FGFR2: variants seen among roughly 807,000 people sequenced by gnomAD.
The protein encoded by FGFR2 is fibroblast growth factor receptor 2.
Under a neutral mutation model 95.9 loss-of-function variants are expected in FGFR2, and 19 were observed. The ratio of observed to expected loss-of-function variants is 0.20; its 90% confidence interval spans 0.14 to 0.29. The LOEUF (loss-of-function observed/expected upper bound fraction) is 0.29. Among genes scored for constraint, FGFR2 ranks in the 10% least tolerant of loss-of-function variants. FGFR2 has a pLI of 1.00. For missense variants in FGFR2, 707 were observed against 1,056.9 expected, an observed-to-expected ratio of 0.67 and a Z score of 4.59; for synonymous variants, 392 against 393.3, an observed-to-expected ratio of 1.00 and a Z score of 0.04.
intron 12 of FGFR2, 48 bp from the exon 13 acceptor site, chr10:121,496,770 C>T (rs745740518): frequency 1.9e-6 from 3 of 1,562,538 alleles, no homozygotes; most frequent in South Asian, 2.2e-5. Context: ...CCAGGGTCTC[C>T]CCTTGGGCAA....
intron 13 of FGFR2, among the ~76,000 whole-genome samples, chr10:121,494,826 A>G (rs1846566685): frequency 6.6e-6 from 1 of 152,164 alleles, no homozygotes; most frequent in Non-Finnish European, 1.5e-5. Context: ...TTCTCCTACA[A>G]CAGATACCAC....
chr10:121,585,283 A>G (rs1475984587), intron 2 of FGFR2, among the ~76,000 whole-genome samples: 2 of 152,226 alleles, frequency 1.3e-5, no homozygotes, highest in Non-Finnish European at 2.9e-5. Flanking sequence ...CAGGGCCTAG[A>G]GCCAGTTTTA....
chr10:121,572,210 G>A (rs189749720), intron 2 of FGFR2, among the ~76,000 whole-genome samples: 77 of 150,710 alleles, frequency 5.1e-4, no homozygotes, highest in South Asian at 1.9e-3. Context: ...TGTAGTCCCA[G>A]CTACACAGGG....
chr10:121,569,951 A>T (rs1160862675), intron 2 of FGFR2, among the ~76,000 whole-genome samples: 1 of 152,200 alleles, frequency 6.6e-6, no homozygotes, highest in East Asian at 1.9e-4. Flanking sequence ...CAAGAGAGAA[A>T]GAGGTTGGGG....
chr10:121,562,040 G>A (rs926056631), intron 4 of FGFR2, among the ~76,000 whole-genome samples: 3 of 152,118 alleles, frequency 2.0e-5, no homozygotes, highest in Admixed American at 6.5e-5. Context: ...CAAGCACATC[G>A]AATGATGTGG....
chr10:121,588,707 G>C (rs1014291438), intron 2 of FGFR2, among the ~76,000 whole-genome samples: 2 of 110,608 alleles, frequency 1.8e-5, no homozygotes, highest in Non-Finnish European at 3.9e-5. Flanking sequence ...CCAGGAGTTG[G>C]AGACCAGCCT....
intron 2 of FGFR2, among the ~76,000 whole-genome samples, chr10:121,571,982 T>C (rs1168009243): frequency 6.6e-6 from 1 of 151,026 alleles, no homozygotes; most frequent in Non-Finnish European, 1.5e-5. Context: ...GTTTTGATAC[T>C]TTAAAAATGA....
At chr10:121,588,175 G>C (rs191971761) in intron 2 of FGFR2, among the ~76,000 whole-genome samples, 7 of 152,188 alleles carry the variant, frequency 4.6e-5, no homozygotes, top group African/African-American at 1.2e-4. Flanking sequence ...TCATTTATAA[G>C]TGGGAGCTAA....
At chr10:121,499,552 C>T (rs1366606271) in intron 11 of FGFR2, among the ~76,000 whole-genome samples, 1 of 152,242 alleles carries the variant, frequency 6.6e-6, no homozygotes, top group Admixed American at 6.5e-5. Context: ...TAATATCCTT[C>T]TGTGTCCTTA....
chr10:121,502,184 G>C (rs888375299), intron 10 of FGFR2, among the ~76,000 whole-genome samples: 1 of 152,182 alleles, frequency 6.6e-6, no homozygotes, highest in Admixed American at 6.5e-5. Flanking sequence ...CAACTCCCCA[G>C]TTCAGTTATA....
rs749140651 is a variant in FGFR2 at position 121,500,830 on chromosome 10, C to T, written c.1557G>A (p.Leu519=). Residue 519 remains leucine (L), a synonymous_variant, in exon 11 of 18, where the codon TTG becomes TTA. Transcript: ENST00000358487. ...GCCTCCCGCCTCCCCGCTCACCTTT[C>T]AACATCTTCACGGCCACGGTGACCG... The part of the protein sequence containing the change: ...KEAVTVAVKM[L]KDDATEKDLS... The T allele has an allele frequency of 1.9e-6, 3 of 1,614,042 alleles. No homozygotes were observed. The highest frequency in any genetic ancestry group is 1.3e-5 in the African/African-American group (1 of 75,064).
At chr10:121,577,067 G>A (rs1322728326) in intron 2 of FGFR2, among the ~76,000 whole-genome samples, 6 of 141,720 alleles carry the variant, frequency 4.2e-5, no homozygotes, top group Non-Finnish European at 7.6e-5. Flanking sequence ...CCTGGGAGGC[G>A]GAAGTTGCAG....
At chr10:121,569,214 C>CTTT (rs1270491605) in intron 2 of FGFR2, among the ~76,000 whole-genome samples, 1 of 147,272 alleles carries the variant, frequency 6.8e-6, no homozygotes, top group African/African-American at 2.6e-5. Context: ...CTTTTCTTTT[C>CTTT]TTTTCTTTTC....
At chr10:121,569,437 G>A (rs552596430) in intron 2 of FGFR2, among the ~76,000 whole-genome samples, 6 of 152,200 alleles carry the variant, frequency 3.9e-5, no homozygotes, top group African/African-American at 1.4e-4. Context: ...GGCCATGCTG[G>A]TCTTGAACTC....
rs551737753 is a variant in FGFR2 at position 121,498,720 on chromosome 10, A to C, written c.1562-115T>G. 5.2e-5 allele frequency: 48 copies of C among 917,752 alleles called. No individual in the cohort carries two copies. The African/African-American group carries it at 7.0e-4, about 13-fold the overall frequency. The allele number at this position is 917,752 out of a possible 1,614,324, so 56.9% of individuals were successfully genotyped here. ...CATGAAATTGAATTTCAGAATCAGA[A>C]AAGATTTTCCAAATCATCTCCCTCA... On this transcript the variant is annotated intron_variant, in intron 11 of 17. Coordinates refer to ENST00000358487, the MANE Select transcript of FGFR2 (RefSeq NM_000141.5).
intron 4 of FGFR2, among the ~76,000 whole-genome samples, chr10:121,552,759 T>C (rs1429989771): frequency 2.6e-5 from 4 of 152,234 alleles, no homozygotes; most frequent in Non-Finnish European, 5.9e-5. Flanking sequence ...GTTTCTGTCT[T>C]AGCAAAGTAG....
intron 6 of FGFR2, among the ~76,000 whole-genome samples, chr10:121,524,144 A>ACCCCCC (rs1354372561): frequency 7.7e-5 from 10 of 129,166 alleles, no homozygotes; most frequent in South Asian, 2.5e-4. Context: ...ACACACACAC[A>ACCCCCC]CACCCCAAGT....
chr10:121,496,790 A>C (rs2133947801), intron 12 of FGFR2, 68 bp from the exon 13 acceptor site: 1 of 1,435,674 alleles, frequency 7.0e-7, no homozygotes. Context: ...ATTCAGCAAA[A>C]CATTTTTAGT....
chr10:121,571,412 C>A (rs1858701693), intron 2 of FGFR2, among the ~76,000 whole-genome samples: 1 of 150,628 alleles, frequency 6.6e-6, no homozygotes, highest in Admixed American at 6.7e-5. Flanking sequence ...GATTCTCCTG[C>A]CTCAGCCTCT....
Sources: allele counts gnomAD v4.1 joint callset (sites outside exome capture counted in the v4.1 genomes callset), GRCh38; gene constraint gnomAD v4.1.1; transcripts MANE v1.5; gene names NCBI Gene and HGNC (gene_info 2026-07-23, HGNC 2026-07-21).